GNAS-AS1: variants seen among roughly 807,000 people sequenced by gnomAD.
GNAS-AS1 encodes GNAS antisense RNA 1.
chr20:58,840,619 C>T lies in GNAS-AS1; in HGVS notation n.819+1318G>A, dbSNP rs1161862151. On this transcript the variant is annotated intron_variant and non_coding_transcript_variant, in intron 4 of 4. Coordinates refer to ENST00000424094, the Ensembl canonical transcript of GNAS-AS1. The surrounding 1 kb of genome is among the most constrained non-coding windows in gnomAD (Gnocchi z 6.0). ...TGCACGCTCTCAAGTTGCGAAGCCC[C>T]GACGCCTCCCCAAGTCGCGCGCCGC... 6.2e-7 allele frequency: 1 copy of T among 1,608,134 alleles called. No homozygotes were observed. Among genetic ancestry groups the T allele is most frequent in the South Asian group, 1.1e-5 (1 of 91,040 alleles).
chr20:58,824,192 G>A, intron 4 of GNAS-AS1: 1 of 397,504 alleles, frequency 2.5e-6, no homozygotes, highest in East Asian at 3.6e-5. Flanking sequence ...TCTGGGATTT[G>A]CTGTGAAGGG....
intron 4 of GNAS-AS1, among the ~76,000 whole-genome samples, chr20:58,831,252 T>C (rs2085566988): frequency 6.6e-6 from 1 of 152,346 alleles, no homozygotes; most frequent in East Asian, 1.9e-4. Flanking sequence ...CATAAGCCAC[T>C]GTGCCCGGCC....
Position 58,845,708 on chromosome 20 carries a change from C to T in GNAS-AS1, n.414-3163G>A, listed in dbSNP as rs372501028. Among the ~76,000 whole-genome samples the T allele has an allele frequency of 4.0e-4, 61 of 152,238 alleles. 1 individual carries two copies. The highest frequency in any genetic ancestry group is 2.1e-3 in the South Asian group (10 of 4,820). On this transcript the variant is annotated intron_variant and non_coding_transcript_variant, in intron 2 of 4. Transcript: ENST00000424094. ...TAAAAATCTCATGAGTTTTTTCAAA[C>T]GCCTCCAATAGCTATGCTGGTCCAA...
intron 2 of GNAS-AS1, among the ~76,000 whole-genome samples, chr20:58,843,782 C>T (rs544307887): frequency 3.3e-5 from 5 of 152,276 alleles, no homozygotes; most frequent in Admixed American, 1.3e-4. Context: ...GAGGGCGACC[C>T]AAAGGTGCTC....
exon 1 of GNAS-AS1, chr20:58,850,868 AG>A (rs879566047): frequency 4.0e-5 from 16 of 398,750 alleles, no homozygotes; most frequent in Non-Finnish European, 6.6e-5. Context: ...CCACCCCAGC[AG>A]CACCTCTTCG....
Position 58,840,240 on chromosome 20 carries a change from T to C in GNAS-AS1, n.819+1697A>G. The C allele has an allele frequency of 6.2e-7, 1 of 1,611,118 alleles. No homozygotes were observed. Among genetic ancestry groups the C allele is most frequent in the Non-Finnish European group, 8.5e-7 (1 of 1,179,772 alleles). On this transcript the variant is annotated intron_variant and non_coding_transcript_variant, in intron 4 of 4. Coordinates refer to ENST00000424094, the Ensembl canonical transcript of GNAS-AS1. This position sits in a 1 kb window ranked among gnomAD's most constrained non-coding sequence, Gnocchi z 6.0. The stretch of plus-strand genomic sequence containing the variant: ...TGCTCCATCGCGCTCCTCCGCGCCC[T>C]TGCCACCTCCAACGCCCGTGCCCAG...
chr20:58,825,336 A>G (rs1359559441), intron 4 of GNAS-AS1, among the ~76,000 whole-genome samples: 3 of 152,160 alleles, frequency 2.0e-5, no homozygotes, highest in African/African-American at 7.2e-5. Flanking sequence ...CATCTCTCCT[A>G]GAGTCCAGAT....
Position 58,838,978 on chromosome 20 carries a change from G to A in GNAS-AS1, n.819+2959C>T, listed in dbSNP as rs2085638973. The A allele has an allele frequency of 7.6e-6, 3 of 397,334 alleles. No homozygotes were observed. In the Admixed American group the frequency reaches 1.3e-4, roughly 18 times the overall value. 24.6% of individuals were successfully genotyped at this position (397,334 alleles called of 1,614,324 possible). ...AATGGCTGTAAGGGGCCTCCAGTGA[G>A]GATTCCGTGTCACCCTGAACTGCCC... On this transcript the variant is annotated intron_variant and non_coding_transcript_variant, in intron 4 of 4. Coordinates refer to ENST00000424094, the Ensembl canonical transcript of GNAS-AS1.
At chr20:58,826,108 T>C in intron 4 of GNAS-AS1, 1 of 398,678 alleles carries the variant, frequency 2.5e-6, no homozygotes, top group East Asian at 3.6e-5. Flanking sequence ...ATAAGTGCTC[T>C]CAATGGGAGA....
intron 4 of GNAS-AS1, among the ~76,000 whole-genome samples, chr20:58,823,205 C>T (rs1456410039): frequency 1.3e-5 from 2 of 152,206 alleles, no homozygotes; most frequent in Admixed American, 1.3e-4. Context: ...AATATCTGTC[C>T]AGCCTTGGCG....
intron 4 of GNAS-AS1, among the ~76,000 whole-genome samples, chr20:58,820,877 T>C (rs767601989): frequency 1.3e-5 from 2 of 152,214 alleles, no homozygotes; most frequent in Non-Finnish European, 2.9e-5. Flanking sequence ...CCATGACACG[T>C]GGGAATTGTG....
Position 58,840,683 on chromosome 20 carries a change from G to A in GNAS-AS1, n.819+1254C>T, listed in dbSNP as rs765883995. The A allele has an allele frequency of 2.5e-6, 4 of 1,604,546 alleles. No homozygotes were observed. The East Asian group carries it at 6.7e-5, about 27-fold the overall frequency. ...GCCCCAGAGCCCCAGGGAAGGGGAG[G>A]AGCTCAAGCCCGAGGACAAAGATCC... On this transcript the variant is annotated intron_variant and non_coding_transcript_variant, in intron 4 of 4. Coordinates refer to ENST00000424094, the Ensembl canonical transcript of GNAS-AS1. The surrounding 1 kb of genome is among the most constrained non-coding windows in gnomAD (Gnocchi z 6.0).
chr20:58,821,397 T>C (rs1046251628), intron 4 of GNAS-AS1, among the ~76,000 whole-genome samples: 1 of 152,250 alleles, frequency 6.6e-6, no homozygotes, highest in African/African-American at 2.4e-5. Flanking sequence ...AGGCGACCTC[T>C]GGAGCCTGAC....
At chr20:58,837,113 A>C (rs2085608777) in intron 4 of GNAS-AS1, among the ~76,000 whole-genome samples, 1 of 152,162 alleles carries the variant, frequency 6.6e-6, no homozygotes, top group Non-Finnish European at 1.5e-5. Flanking sequence ...CTCGTTGCTG[A>C]CAGCTGACAT....
intron 4 of GNAS-AS1, chr20:58,836,352 G>A (rs150122814): frequency 2.4e-4 from 36 of 152,284 alleles, no homozygotes; most frequent in African/African-American, 7.0e-4. Flanking sequence ...ACCACCGATA[G>A]GTTCTAATTT....
chr20:58,819,992 C>A (rs2085475117), intron 4 of GNAS-AS1, among the ~76,000 whole-genome samples: 1 of 152,242 alleles, frequency 6.6e-6, no homozygotes, highest in Non-Finnish European at 1.5e-5. Flanking sequence ...GAATGCTCAT[C>A]CGTACTGCCT....
Position 58,838,083 on chromosome 20 carries a change from A to G in GNAS-AS1, n.819+3854T>C, listed in dbSNP as rs116151396. Among the ~76,000 whole-genome samples, 282 of 152,298 alleles carry G rather than the reference A, an allele frequency of 1.9e-3. 1 individual carries two copies. Among genetic ancestry groups the G allele is most frequent in the African/African-American group, 6.6e-3 (275 of 41,560 alleles). ...GGAGAAAAGGACCACAACCCATGAC[A>G]TGTGTCCTAAGTGAAACAACCTTCT... On this transcript the variant is annotated intron_variant and non_coding_transcript_variant, in intron 4 of 4. Coordinates refer to ENST00000424094, the Ensembl canonical transcript of GNAS-AS1.
Position 58,840,432 on chromosome 20 carries a change from ACGAGACCGAGAG to A in GNAS-AS1, n.819+1493_819+1504del, listed in dbSNP as rs1223739124. The A allele has an allele frequency of 6.8e-6, 11 of 1,613,356 alleles. No individual in the cohort carries two copies. Among genetic ancestry groups the A allele is most frequent in the Admixed American group, 3.3e-5 (2 of 59,998 alleles). ...CTAGAGTACGAGGAAGAGTTCGACT[ACGAGACCGAGAG>A]CGAGACCGAGTCCGAAATCGAGTCC... On this transcript the variant is annotated intron_variant and non_coding_transcript_variant, in intron 4 of 4. Transcript: ENST00000424094. The surrounding 1 kb of genome is among the most constrained non-coding windows in gnomAD (Gnocchi z 6.0).
intron 4 of GNAS-AS1, chr20:58,838,768 T>C (rs1269088231): frequency 2.1e-5 from 8 of 373,648 alleles, no homozygotes; most frequent in Non-Finnish European, 3.3e-5. Flanking sequence ...ACTACAAAAA[T>C]TAGCCGAGCG....
Sources: gnomAD v4.1 joint callset for allele counts (sites outside exome capture counted in the v4.1 genomes callset) on GRCh38, gnomAD v4.1.1 for gene constraint, Gnocchi (gnomAD v3.1) non-coding constraint, MANE v1.5 for transcripts, NCBI Gene and HGNC (gene_info 2026-07-23, HGNC 2026-07-21) for gene names.